The following NRXN3 variants were observed in gnomAD, a reference collection of about 807,000 sequenced individuals.
NRXN3 encodes the protein neurexin III.
A neutral mutation model predicts 137.6 loss-of-function variants in NRXN3; 32 were observed. The ratio of observed to expected loss-of-function variants is 0.23; its 90% CI spans 0.18 to 0.31. NRXN3 has a LOEUF of 0.31. NRXN3 is among the 10% of genes least tolerant of loss of function. The pLI is 1.00. For missense variants in NRXN3, 1,574 were observed against 2,062.5 expected, an observed-to-expected ratio of 0.76 and a Z score of 4.59; for synonymous variants, 798 against 784.5, an observed-to-expected ratio of 1.02 and a Z score of -0.29.
intron 4 of NRXN3, among the ~76,000 whole-genome samples, chr14:78,598,214 T>C (rs895538903): frequency 2.0e-5 from 3 of 152,202 alleles, no homozygotes; most frequent in African/African-American, 7.2e-5. Context: ...GATGTGACTC[T>C]GTTGCCCTCT....
chr14:78,665,219 T>A (rs1034982487), intron 6 of NRXN3, among the ~76,000 whole-genome samples: 4 of 152,202 alleles, frequency 2.6e-5, no homozygotes, highest in Admixed American at 6.6e-5. Flanking sequence ...CTCACACTGC[T>A]AATAAAGATA....
chr14:79,637,726 G>GTTTTTTTTTTTTT (rs1447669099), intron 16 of NRXN3, among the ~76,000 whole-genome samples: 25 of 92,984 alleles, frequency 2.7e-4, no homozygotes, highest in African/African-American at 1.1e-3. Flanking sequence ...ATATAGAAAA[G>GTTTTTTTTTTTTT]TTCTTTTTTT....
chr14:78,247,923 G>A (rs2067937392), intron 2 of NRXN3, among the ~76,000 whole-genome samples: 1 of 152,210 alleles, frequency 6.6e-6, no homozygotes, highest in South Asian at 2.1e-4. Flanking sequence ...TCTCTGAAGA[G>A]TTCATTTAGC....
At chr14:78,464,597 T>C (rs2095041569) in intron 4 of NRXN3, among the ~76,000 whole-genome samples, 1 of 152,190 alleles carries the variant, frequency 6.6e-6, no homozygotes, top group African/African-American at 2.4e-5. Flanking sequence ...TTTAAAATTA[T>C]ACAAGAAAAA....
chr14:78,656,650 C>T (rs1009734319), intron 6 of NRXN3, among the ~76,000 whole-genome samples: 2 of 152,210 alleles, frequency 1.3e-5, no homozygotes, highest in South Asian at 4.2e-4. Flanking sequence ...TGGCATCTTA[C>T]CCATCAGGCC....
In NRXN3 at chr14:79,755,932, T is replaced by G. The variant is rs745536087; in HGVS notation, c.4015-49180T>G. Among the ~76,000 whole-genome samples, 186 of 152,294 alleles carry G rather than the reference T, an allele frequency of 1.2e-3. 1 individual carries two copies. Among genetic ancestry groups the G allele is most frequent in the Non-Finnish European group, 1.9e-3 (129 of 68,008 alleles). ...TACTTAACAGTGTCAATTTGTATAGTTATCTTTAAACAATGGTCAGTCCCC... is the reference window on the plus strand; with the variant it reads ...TACTTAACAGTGTCAATTTGTATAGGTATCTTTAAACAATGGTCAGTCCCC... On this transcript the variant is annotated intron_variant, in intron 19 of 20. Transcript: ENST00000335750.
intron 6 of NRXN3, among the ~76,000 whole-genome samples, chr14:78,697,597 A>T (rs184976175): frequency 3.2e-4 from 48 of 152,124 alleles, no homozygotes; most frequent in Non-Finnish European, 5.4e-4. Context: ...ACTAAAGGTA[A>T]TGCAAACTCA....
chr14:79,488,684 T>C (rs2096680958), intron 16 of NRXN3, among the ~76,000 whole-genome samples: 1 of 152,176 alleles, frequency 6.6e-6, no homozygotes, highest in African/African-American at 2.4e-5. Flanking sequence ...AAGAATTGGG[T>C]CATTGACCAG....
At chr14:79,742,662 C>G (rs1262432396) in intron 19 of NRXN3, among the ~76,000 whole-genome samples, 7 of 152,128 alleles carry the variant, frequency 4.6e-5, no homozygotes, top group Non-Finnish European at 1.5e-5. Context: ...TATTGCCTGG[C>G]CCACTGTATG....
At chr14:78,234,872 CAG>C (rs56898109) in intron 1 of NRXN3, among the ~76,000 whole-genome samples, 1,540 of 151,660 alleles carry the variant, frequency 0.01, 19 homozygotes, top group African/African-American at 0.035. Context: ...GAGTATGACT[CAG>C]AATAAAAATT....
intron 4 of NRXN3, among the ~76,000 whole-genome samples, chr14:78,404,946 T>C (rs1046063633): frequency 6.6e-6 from 1 of 152,216 alleles, no homozygotes; most frequent in African/African-American, 2.4e-5. Flanking sequence ...ATCTCTGTCT[T>C]GTGTTTCACT....
intron 10 of NRXN3, among the ~76,000 whole-genome samples, chr14:78,847,610 G>C (rs555879714): frequency 6.6e-6 from 1 of 152,156 alleles, no homozygotes; most frequent in East Asian, 1.9e-4. Context: ...AAAGAGCAGA[G>C]AATGATGCTG....
chr14:78,965,029 C>T (rs2099414833), intron 11 of NRXN3, among the ~76,000 whole-genome samples: 2 of 152,124 alleles, frequency 1.3e-5, no homozygotes, highest in African/African-American at 4.8e-5. Flanking sequence ...AGATGATTCT[C>T]TTCATTTGGT....
intron 10 of NRXN3, among the ~76,000 whole-genome samples, chr14:78,945,517 G>C (rs2099363407): frequency 6.6e-6 from 1 of 152,114 alleles, no homozygotes; most frequent in Non-Finnish European, 1.5e-5. Flanking sequence ...TGCATCTCTT[G>C]GCTAATGGAG....
chr14:79,767,757 AG>A (rs1309638581), intron 19 of NRXN3, among the ~76,000 whole-genome samples: 1 of 152,162 alleles, frequency 6.6e-6, no homozygotes, highest in Non-Finnish European at 1.5e-5. Context: ...ATTAGAAATC[AG>A]GGGGGAGGAG....
chr14:79,543,332 GCA>G (rs1228606555), intron 16 of NRXN3, among the ~76,000 whole-genome samples: 3 of 152,190 alleles, frequency 2.0e-5, no homozygotes, highest in Non-Finnish European at 2.9e-5. Context: ...AAGACCAATT[GCA>G]CACAGTGTCT....
chr14:79,578,088 G>T (rs1257733495), intron 16 of NRXN3, among the ~76,000 whole-genome samples: 1 of 152,170 alleles, frequency 6.6e-6, no homozygotes, highest in Non-Finnish European at 1.5e-5. Flanking sequence ...AAGTTCAGGG[G>T]TTTCTCCAAA....
At position 79,475,165 on chromosome 14, in the gene NRXN3, A is replaced by T. The variant is rs1436572264; in HGVS notation, c.3444+7763A>T. Among the ~76,000 whole-genome samples the T allele has an allele frequency of 3.3e-5, 5 of 152,176 alleles. No homozygotes were observed. In the East Asian group the frequency reaches 9.6e-4, roughly 29 times the overall value. On this transcript the variant is annotated intron_variant, in intron 16 of 20. Coordinates refer to ENST00000335750, the MANE Select transcript of NRXN3 (RefSeq NM_001330195.2). Reference sequence around the variant, plus strand: ...AGAAATATAAACAGAAATACTTCATAGATTTGGATTCCCCAAAATATGAAG... The same window carrying T: ...AGAAATATAAACAGAAATACTTCATTGATTTGGATTCCCCAAAATATGAAG...
chr14:79,490,795 A>G (rs376835155), intron 16 of NRXN3, among the ~76,000 whole-genome samples: 1 of 152,128 alleles, frequency 6.6e-6, no homozygotes, highest in East Asian at 1.9e-4. Flanking sequence ...TCATCTGTAC[A>G]TTTTAAAGTA....
Sources: gnomAD v4.1 joint callset for allele counts (sites outside exome capture counted in the v4.1 genomes callset) on GRCh38, gnomAD v4.1.1 for gene constraint, MANE v1.5 for transcripts, NCBI Gene and HGNC (gene_info 2026-07-23, HGNC 2026-07-21) for gene names.